Variants in HAT1 observed in about 807,000 individuals in gnomAD.
The protein encoded by HAT1 is histone acetyltransferase type B catalytic subunit.
HAT1 carries 20 observed loss-of-function variants against 56.6 expected under a neutral mutation model. The observed-to-expected ratio is 0.35, with a 90% CI of 0.25 to 0.51. The LOEUF (loss-of-function observed/expected upper bound fraction) is 0.51, where lower values mean the gene tolerates loss of function less well. HAT1 is among the 20% of genes least tolerant of loss of function. The pLI is 0.95. For missense variants in HAT1, 408 were observed against 504.3 expected (o/e 0.81, Z 1.83); for synonymous variants, 146 against 165.5 (o/e 0.88, Z 0.91).
intron 8 of HAT1, among the ~76,000 whole-genome samples, chr2:171,974,173 CAAAAAAAAAAAAAAAAAAAG>C (rs1441370597): frequency 1.3e-4 from 6 of 45,580 alleles, no homozygotes; most frequent in Non-Finnish European, 1.8e-4. Flanking sequence ...GACCCTGTCT[CAAAAAAAAAAAAAAAAAAAG>C]AAAAAAAGAA....
At position 171,936,257 on chromosome 2, in the gene HAT1, G is replaced by C. The variant is rs115474145; in HGVS notation, c.113-10451G>C. 4.0e-3 allele frequency among the ~76,000 whole-genome samples: 616 copies of C among 152,290 alleles called. 4 individuals are homozygous for C. The highest frequency in any genetic ancestry group is 0.012 in the African/African-American group (492 of 41,542). On this transcript the variant is annotated intron_variant, in intron 2 of 10. Coordinates refer to ENST00000264108, the MANE Select transcript of HAT1 (RefSeq NM_003642.4). The stretch of plus-strand genomic sequence containing the variant: ...GGTTTATTCTTAGTGTGTGGGGAGA[G>C]AGACATTAGTCTGAAACCAGCAATG...
intron 8 of HAT1, among the ~76,000 whole-genome samples, chr2:171,967,978 A>G (rs1438952804): frequency 7.5e-6 from 1 of 133,042 alleles, no homozygotes; most frequent in Non-Finnish European, 1.5e-5. Flanking sequence ...CCTTCTTTAT[A>G]TAGACTAGTA....
At chr2:171,946,840 T>A in intron 3 of HAT1, 57 bp downstream of exon 3, 1 of 767,956 alleles carries the variant, frequency 1.3e-6, no homozygotes, top group Non-Finnish European at 2.2e-6. Context: ...ATTTTCATTC[T>A]TTTTCTTTTA....
At chr2:171,972,507 C>T (rs745925106) in intron 8 of HAT1, among the ~76,000 whole-genome samples, 1 of 152,220 alleles carries the variant, frequency 6.6e-6, no homozygotes, top group Non-Finnish European at 1.5e-5. Flanking sequence ...TCCAGCTGTC[C>T]TCCTGCCTTG....
chr2:171,950,915 T>G (rs1558970433), intron 3 of HAT1, among the ~76,000 whole-genome samples: 1 of 152,212 alleles, frequency 6.6e-6, no homozygotes, highest in Non-Finnish European at 1.5e-5. Context: ...GTTCAAGTGA[T>G]GCTCCTGCCT....
chr2:171,938,800 G>C (rs975524040), intron 2 of HAT1, among the ~76,000 whole-genome samples: 1 of 151,984 alleles, frequency 6.6e-6, no homozygotes, highest in African/African-American at 2.4e-5. Flanking sequence ...CAGTGCAGTG[G>C]TGCAGTCTCA....
At chr2:171,949,637 G>C (rs546658950) in intron 3 of HAT1, among the ~76,000 whole-genome samples, 4 of 148,520 alleles carry the variant, frequency 2.7e-5, no homozygotes, top group Non-Finnish European at 5.9e-5. Flanking sequence ...TTGCGCCACT[G>C]CACTCCAGCC....
intron 2 of HAT1, among the ~76,000 whole-genome samples, chr2:171,934,830 A>T (rs951574933): frequency 7.0e-6 from 1 of 143,848 alleles, no homozygotes; most frequent in Admixed American, 7.5e-5. Context: ...ATCTCAGCTC[A>T]CTGCAACCTC....
intron 2 of HAT1, among the ~76,000 whole-genome samples, chr2:171,938,789 A>G (rs1185749717): frequency 1.3e-5 from 2 of 151,952 alleles, no homozygotes; most frequent in South Asian, 2.1e-4. Context: ...TGTCCACACT[A>G]CAGTGCAGTG....
At chr2:171,953,963 G>A (rs1170497517) in intron 4 of HAT1, among the ~76,000 whole-genome samples, 2 of 152,062 alleles carry the variant, frequency 1.3e-5, no homozygotes, top group Non-Finnish European at 2.9e-5. Flanking sequence ...CCACTGCACT[G>A]CAGCCTGGGT....
In HAT1 at chr2:171,965,562, T is replaced by C. The variant is rs994554550; in HGVS notation, c.489+45T>C. ...TTTATTGAGTAAAGTTCTATTTGCCTGAAACCTGTATGTAGTTTTGTTGTC... is the reference window on the plus strand; with the variant it reads ...TTTATTGAGTAAAGTTCTATTTGCCCGAAACCTGTATGTAGTTTTGTTGTC... On this transcript the variant is annotated intron_variant, in intron 5 of 10. Coordinates refer to ENST00000264108, the MANE Select transcript of HAT1 (RefSeq NM_003642.4). The C allele has an allele frequency of 4.8e-6, 6 of 1,262,696 alleles. No individual in the cohort carries two copies. In the African/African-American group the frequency reaches 9.0e-5, roughly 19 times the overall value. The allele number at this position is 1,262,696 out of a possible 1,614,324, so 78.2% of individuals were successfully genotyped here.
chr2:171,948,771 T>C (rs1454570216), intron 3 of HAT1, among the ~76,000 whole-genome samples: 1 of 152,204 alleles, frequency 6.6e-6, no homozygotes. Flanking sequence ...ATTTGATTGG[T>C]TTATTTGTGA....
chr2:171,966,288 T>C (rs915299547), intron 6 of HAT1, 121 bp from the exon 7 acceptor site: 10 of 703,858 alleles, frequency 1.4e-5, no homozygotes, highest in East Asian at 1.1e-4. Flanking sequence ...GGTGTACCCA[T>C]TGGGCCCTCA....
intron 8 of HAT1, among the ~76,000 whole-genome samples, chr2:171,974,577 C>T (rs1687914486): frequency 6.6e-6 from 1 of 152,140 alleles, no homozygotes; most frequent in African/African-American, 2.4e-5. Flanking sequence ...TTTTCTTACC[C>T]GATTGCTTAG....
intron 4 of HAT1, among the ~76,000 whole-genome samples, chr2:171,956,366 G>T (rs1428620629): frequency 6.6e-6 from 1 of 151,768 alleles, no homozygotes; most frequent in African/African-American, 2.4e-5. Context: ...ACACACACAC[G>T]CTGGGTGTGG....
In HAT1 at chr2:171,983,358, A is replaced by G; in HGVS notation, c.*6A>G. Reference sequence around the variant, plus strand: ...AACGACTTGCTCAAGAGTAAAGATTATACTGCTCTGTACAGGAAGCTTGCA... The same window carrying G: ...AACGACTTGCTCAAGAGTAAAGATTGTACTGCTCTGTACAGGAAGCTTGCA... On this transcript the variant is annotated 3_prime_UTR_variant, in exon 11 of 11. Transcript: ENST00000264108. 1.3e-6 allele frequency: 2 copies of G among 1,576,380 alleles called. No individual in the cohort carries two copies. Among genetic ancestry groups the G allele is most frequent in the Non-Finnish European group, 1.7e-6 (2 of 1,151,964 alleles).
Position 171,935,390 on chromosome 2 carries a change from C to T in HAT1, c.112+9749C>T, listed in dbSNP as rs141491187. ...ATTAGCTGGGCATGGTGGCACATGC[C>T]TATAATCTCAGCTACTTGGGAGACT... On this transcript the variant is annotated intron_variant, in intron 2 of 10. Coordinates refer to ENST00000264108, the MANE Select transcript of HAT1 (RefSeq NM_003642.4). Among the ~76,000 whole-genome samples, 873 of 151,400 alleles carry T rather than the reference C, an allele frequency of 5.8e-3. 7 individuals are homozygous for T. The highest frequency in any genetic ancestry group is 0.02 in the African/African-American group (835 of 41,280).
At chr2:171,976,365 G>A in intron 9 of HAT1, 57 bp downstream of exon 9, 1 of 964,710 alleles carries the variant, frequency 1.0e-6, no homozygotes, top group Non-Finnish European at 1.5e-6. Flanking sequence ...TTTTTGAAGT[G>A]TATACCTTAA....
At chr2:171,949,348 G>T (rs1265133993) in intron 3 of HAT1, among the ~76,000 whole-genome samples, 1 of 152,044 alleles carries the variant, frequency 6.6e-6, no homozygotes, top group Non-Finnish European at 1.5e-5. Context: ...GAGGAGCTGG[G>T]ACTATAGGCG....
Sources: gnomAD v4.1 joint callset for allele counts (sites outside exome capture counted in the v4.1 genomes callset) on GRCh38, gnomAD v4.1.1 for gene constraint, MANE v1.5 for transcripts, NCBI Gene and HGNC (gene_info 2026-07-23, HGNC 2026-07-21) for gene names.